Variants in BICD1 observed in about 807,000 individuals in gnomAD.
BICD1 encodes the protein BICD cargo adaptor 1, also known as protein bicaudal D homolog 1.
A neutral mutation model predicts 92.5 loss-of-function variants in BICD1; 35 were observed. That is an observed-to-expected ratio of 0.38 (90% CI 0.29 to 0.50). The LOEUF (loss-of-function observed/expected upper bound fraction) is 0.50, where lower values mean the gene tolerates loss of function less well. Among genes scored for constraint, BICD1 ranks in the 20% least tolerant of loss-of-function variants. BICD1 has a pLI of 0.93. For missense variants in BICD1, 950 were observed against 1,189.8 expected, an observed-to-expected ratio of 0.80 and a Z score of 2.97; for synonymous variants, 429 against 465.1, an observed-to-expected ratio of 0.92 and a Z score of 1.00.
In BICD1 at chr12:32,219,898, T is replaced by C. The variant is rs548269734; in HGVS notation, c.426+3439T>C. Among the ~76,000 whole-genome samples the C allele has an allele frequency of 1.2e-3, 176 of 152,310 alleles. 1 individual carries two copies. The highest frequency in any genetic ancestry group is 8.8e-5 in the Non-Finnish European group (6 of 68,032). On this transcript the variant is annotated intron_variant, in intron 2 of 9. Transcript: ENST00000652176. ...TGGTACTGGTACCAAAACAGAGATA[T>C]AGATCAATGGAACAGAACAGAGCCC...
intron 1 of BICD1, among the ~76,000 whole-genome samples, chr12:32,124,027 C>T (rs1942244453): frequency 6.6e-6 from 1 of 152,218 alleles, no homozygotes; most frequent in South Asian, 2.1e-4. Flanking sequence ...TGAATCTTTA[C>T]CTAAGTGTCT....
intron 2 of BICD1, among the ~76,000 whole-genome samples, chr12:32,225,699 C>G (rs574630544): frequency 6.7e-4 from 96 of 142,824 alleles, no homozygotes; most frequent in Non-Finnish European, 1.1e-4. Context: ...CAGCTCACTG[C>G]AACCTCCACC....
At chr12:32,225,578 C>G (rs545087826) in intron 2 of BICD1, among the ~76,000 whole-genome samples, 2 of 150,266 alleles carry the variant, frequency 1.3e-5, no homozygotes, top group South Asian at 2.1e-4. Flanking sequence ...TCCTGTTGCC[C>G]CTATTCTTTC....
At chr12:32,363,977 ATAAG>A (rs1939429238) in intron 8 of BICD1, among the ~76,000 whole-genome samples, 2 of 150,248 alleles carry the variant, frequency 1.3e-5, no homozygotes, top group African/African-American at 5.0e-5. Context: ...TAAACAATAA[ATAAG>A]TACTAGATGC....
rs753637614 is a variant in BICD1, at chr12:32,370,095, G to A, written c.2840+2350G>A. On this transcript the variant is annotated intron_variant, in intron 9 of 9. Transcript: ENST00000652176. ...TAGAAATAATAATGATAGGTCAGGC[G>A]TGGTGGCGCAGGCCTGTAATCCCAG... Among the ~76,000 whole-genome samples, 50 of 152,118 alleles carry A rather than the reference G, an allele frequency of 3.3e-4. 1 individual carries two copies. The highest frequency in any genetic ancestry group is 1.2e-4 in the Non-Finnish European group (8 of 68,028).
intron 5 of BICD1, among the ~76,000 whole-genome samples, chr12:32,330,914 C>A (rs1937835095): frequency 6.6e-6 from 1 of 152,188 alleles, no homozygotes; most frequent in Non-Finnish European, 1.5e-5. Context: ...GCCAGTGGAT[C>A]ACTTGAGGTC....
At chr12:32,116,438 C>CTCTG (rs1171456421) in intron 1 of BICD1, among the ~76,000 whole-genome samples, 85 of 148,356 alleles carry the variant, frequency 5.7e-4, no homozygotes, top group Non-Finnish European at 8.6e-4. Context: ...ATGTCTCTGT[C>CTCTG]TCTGTCTGTC....
chr12:32,228,453 T>G (rs1945770831), intron 2 of BICD1, among the ~76,000 whole-genome samples: 1 of 152,176 alleles, frequency 6.6e-6, no homozygotes, highest in African/African-American at 2.4e-5. Context: ...CCAGATCATG[T>G]AGGGCCTTGT....
chr12:32,108,704 T>G (rs771176427), intron 1 of BICD1: 2 of 693,838 alleles, frequency 2.9e-6, no homozygotes, highest in African/African-American at 3.5e-5. Flanking sequence ...GTGTGTAATA[T>G]GGTAAGCATT....
intron 9 of BICD1, among the ~76,000 whole-genome samples, chr12:32,374,910 CTTTTTTTTTTT>C (rs1185628924): frequency 6.0e-5 from 3 of 49,634 alleles, no homozygotes; most frequent in African/African-American, 1.0e-4. Context: ...ATTTATTTTC[CTTTTTTTTTTT>C]TTTTTTTTTT....
chr12:32,212,275 T>C (rs1245250854), intron 1 of BICD1, among the ~76,000 whole-genome samples: 1 of 152,216 alleles, frequency 6.6e-6, no homozygotes, highest in African/African-American at 2.4e-5. Flanking sequence ...TACCAGCTTG[T>C]TTTTTATAAG....
rs574365498 is a variant in BICD1 at position 32,225,965 on chromosome 12, G to A, written c.426+9506G>A. Among the ~76,000 whole-genome samples the A allele has an allele frequency of 6.6e-5, 10 of 152,250 alleles. No homozygotes were observed. In the South Asian group the frequency reaches 2.1e-3, roughly 32 times the overall value. On this transcript the variant is annotated intron_variant, in intron 2 of 9. Coordinates refer to ENST00000652176, the MANE Select transcript of BICD1 (RefSeq NM_001714.4). ...TTTTAGCAACTCTAATAGGTGTGTA[G>A]TGATATCTCATTATGGTTTTAATTT...
intron 1 of BICD1, among the ~76,000 whole-genome samples, chr12:32,114,332 T>G (rs1941811382): frequency 6.6e-6 from 1 of 152,166 alleles, no homozygotes. Flanking sequence ...AATTCATGTT[T>G]TCTTTGCTGG....
intron 4 of BICD1, among the ~76,000 whole-genome samples, chr12:32,326,080 C>CAAAAAAAAAA (rs372956491): frequency 3.0e-5 from 2 of 66,498 alleles, no homozygotes; most frequent in African/African-American, 6.2e-5. Context: ...GACTCCATCT[C>CAAAAAAAAAA]AAAAAAAAAA....
chr12:32,118,018 G>T (rs1942002192), intron 1 of BICD1, among the ~76,000 whole-genome samples: 1 of 149,944 alleles, frequency 6.7e-6, no homozygotes, highest in Non-Finnish European at 1.5e-5. Context: ...CCAAAGTGCT[G>T]GGATTACAGG....
rs180817154 is a variant in BICD1, at chr12:32,263,842, C to T, written c.427-30152C>T. On this transcript the variant is annotated intron_variant, in intron 2 of 9. Transcript: ENST00000652176. ...TCTTGAAGCGAGGGATTGTTCTACA[C>T]GTATTTAAGTCTTGCTGTCTAGCAG... is the stretch of plus-strand genomic sequence containing the variant. Among the ~76,000 whole-genome samples the T allele has an allele frequency of 1.4e-4, 21 of 152,288 alleles. No homozygotes were observed. In the East Asian group the frequency reaches 1.5e-3, roughly 11 times the overall value.
chr12:32,121,750 A>G lies in BICD1; in HGVS notation c.213+14206A>G, dbSNP rs1321758587. 3.3e-5 allele frequency among the ~76,000 whole-genome samples: 5 copies of G among 152,166 alleles called. No homozygotes were observed. In the East Asian group the frequency reaches 9.7e-4, roughly 29 times the overall value. On this transcript the variant is annotated intron_variant, in intron 1 of 9. Coordinates refer to ENST00000652176, the MANE Select transcript of BICD1 (RefSeq NM_001714.4). ...GACTCTATCTCAAACAAACAAACAA[A>G]CAAAGAAAACCTACGGTTAATGATA...
chr12:32,361,793 T>C (rs1472199524), intron 8 of BICD1, among the ~76,000 whole-genome samples: 1 of 152,140 alleles, frequency 6.6e-6, no homozygotes, highest in Non-Finnish European at 1.5e-5. Flanking sequence ...TACAGGAGAC[T>C]GTTTGCCACA....
chr12:32,336,081 G>T (rs1332168385), intron 6 of BICD1, among the ~76,000 whole-genome samples: 1 of 152,182 alleles, frequency 6.6e-6, no homozygotes, highest in African/African-American at 2.4e-5. Context: ...CTGTACTCCA[G>T]CCTGGGTGAC....
Sources: allele counts gnomAD v4.1 joint callset (sites outside exome capture counted in the v4.1 genomes callset), GRCh38; gene constraint gnomAD v4.1.1; transcripts MANE v1.5; gene names NCBI Gene and HGNC (gene_info 2026-07-23, HGNC 2026-07-21).